MED27: variants seen among roughly 807,000 people sequenced by gnomAD.
MED27 encodes mediator complex subunit 27.
In MED27, 30 loss-of-function variants were observed where a neutral mutation model predicts 38.2. That is an observed-to-expected ratio of 0.79 (90% CI 0.59 to 1.07). The LOEUF (loss-of-function observed/expected upper bound fraction) is 1.07, where lower values mean the gene tolerates loss of function less well. MED27 is among the 50% of genes least tolerant of loss of function. The pLI, the probability that MED27 is intolerant of heterozygous loss-of-function variation, is 0.00. For synonymous variants in MED27, 122 were observed against 153.5 expected (o/e 0.79, Z 1.52); for missense variants, 289 against 397.5 (o/e 0.73, Z 2.32).
Position 131,982,326 on chromosome 9 carries a change from G to A in MED27, c.479+32011C>T, listed in dbSNP as rs2131029499. Among the ~76,000 whole-genome samples, 1 of 152,294 alleles carries A rather than the reference G, an allele frequency of 6.6e-6. No individual in the cohort carries two copies. The highest frequency in any genetic ancestry group is 6.5e-5 in the Admixed American group (1 of 15,304). On this transcript the variant is annotated intron_variant, in intron 3 of 7. Coordinates refer to ENST00000292035, the MANE Select transcript of MED27 (RefSeq NM_004269.4). The surrounding 1 kb of genome is among the most constrained non-coding windows in gnomAD (Gnocchi z 4.3). ...TCACGTGCAGAGGCCACACGGAGAGGGAGGGGCTCTGAGGCTACAGGGAAA... is the reference window on the plus strand; with the variant it reads ...TCACGTGCAGAGGCCACACGGAGAGAGAGGGGCTCTGAGGCTACAGGGAAA...
chr9:131,996,763 T>A (rs1419839812), intron 3 of MED27, among the ~76,000 whole-genome samples: 1 of 152,166 alleles, frequency 6.6e-6, no homozygotes, highest in Non-Finnish European at 1.5e-5. Context: ...AACCTCCTCC[T>A]CCTTACTCTA....
At chr9:131,875,353 G>A (rs747631766) in intron 6 of MED27, among the ~76,000 whole-genome samples, 3 of 152,198 alleles carry the variant, frequency 2.0e-5, no homozygotes, top group Non-Finnish European at 4.4e-5. Context: ...GGAATGGGTA[G>A]GTCTGTCATA....
chr9:131,893,586 GA>G (rs911819082), intron 5 of MED27, among the ~76,000 whole-genome samples: 1 of 151,996 alleles, frequency 6.6e-6, no homozygotes. Flanking sequence ...TTGACTTGGG[GA>G]AAAAAATCCA....
intron 3 of MED27, among the ~76,000 whole-genome samples, chr9:131,986,387 C>T (rs909738563): frequency 6.6e-6 from 1 of 152,102 alleles, no homozygotes; most frequent in African/African-American, 2.4e-5. Context: ...CTTGCTATGT[C>T]GCCCAGGCTG....
chr9:131,944,972 CT>C (rs1774941159), intron 3 of MED27, among the ~76,000 whole-genome samples: 1 of 151,750 alleles, frequency 6.6e-6, no homozygotes, highest in Admixed American at 6.6e-5. Context: ...TTAAGCATCC[CT>C]GCTTTAGCCC....
chr9:132,068,199 C>G lies in MED27; in HGVS notation c.348+9243G>C, dbSNP rs186929555. 6.8e-4 allele frequency among the ~76,000 whole-genome samples: 103 copies of G among 152,230 alleles called. No homozygotes were observed. In the East Asian group the frequency reaches 0.018, roughly 27 times the overall value. ...TGTACAGAGACTCCCCCGGGCCACA[C>G]ACTCGCATGCAGTATTCACATCATC... On this transcript the variant is annotated intron_variant, in intron 2 of 7. Coordinates refer to ENST00000292035, the MANE Select transcript of MED27 (RefSeq NM_004269.4).
In MED27 at chr9:131,925,712, T is replaced by C. The variant is rs1027229029; in HGVS notation, c.573+13669A>G. Among the ~76,000 whole-genome samples, 6 of 152,102 alleles carry C rather than the reference T, an allele frequency of 3.9e-5. 1 individual carries two copies. Among genetic ancestry groups the C allele is most frequent in the Admixed American group, 1.3e-4 (2 of 15,270 alleles). Reference sequence around the variant, plus strand: ...AAATTTAGGAATATGCATATATATATGGTGAAGCATCCCCTCCAAAACAGG... The same window carrying C: ...AAATTTAGGAATATGCATATATATACGGTGAAGCATCCCCTCCAAAACAGG... On this transcript the variant is annotated intron_variant, in intron 4 of 7. Coordinates refer to ENST00000292035, the MANE Select transcript of MED27 (RefSeq NM_004269.4).
At chr9:132,019,892 T>C (rs985590470) in intron 2 of MED27, among the ~76,000 whole-genome samples, 3 of 152,222 alleles carry the variant, frequency 2.0e-5, no homozygotes, top group Non-Finnish European at 2.9e-5. Flanking sequence ...CTGCTTGTCA[T>C]GATAGAACTC....
intron 4 of MED27, among the ~76,000 whole-genome samples, chr9:131,922,630 TTTTTC>T (rs1332327430): frequency 2.3e-5 from 3 of 128,282 alleles, no homozygotes; most frequent in Admixed American, 8.0e-5. Context: ...TATTTTTATT[TTTTTC>T]TTTTCTTTTA....
intron 4 of MED27, among the ~76,000 whole-genome samples, chr9:131,909,700 T>C (rs566718211): frequency 6.6e-6 from 1 of 152,352 alleles, no homozygotes; most frequent in South Asian, 2.1e-4. Context: ...GAAAAATATG[T>C]CCCACAGTTC....
chr9:131,966,713 A>C (rs2131007261), intron 3 of MED27, among the ~76,000 whole-genome samples: 1 of 152,296 alleles, frequency 6.6e-6, no homozygotes, highest in South Asian at 2.1e-4. Context: ...CCGACGCTTC[A>C]GTGCCCAAGT....
chr9:131,971,437 A>G (rs968320669), intron 3 of MED27, among the ~76,000 whole-genome samples: 2 of 152,238 alleles, frequency 1.3e-5, no homozygotes, highest in African/African-American at 4.8e-5. Flanking sequence ...TTTGCAGACC[A>G]GCAATAAGAG....
intron 6 of MED27, 32 bp downstream of exon 6, chr9:131,884,026 C>G: frequency 6.3e-7 from 1 of 1,595,786 alleles, no homozygotes; most frequent in Non-Finnish European, 8.6e-7. Context: ...TTCCTAATGC[C>G]GCTTGAGTAA....
At chr9:131,998,785 A>G (rs752717437) in intron 3 of MED27, among the ~76,000 whole-genome samples, 10 of 152,186 alleles carry the variant, frequency 6.6e-5, no homozygotes, top group Non-Finnish European at 1.3e-4. Flanking sequence ...TACAAGCCAC[A>G]CTTGGGAGGC....
chr9:131,865,621 G>A (rs1351900633), intron 6 of MED27, among the ~76,000 whole-genome samples: 2 of 152,102 alleles, frequency 1.3e-5, no homozygotes, highest in Non-Finnish European at 1.5e-5. Flanking sequence ...TGTTTGCTCC[G>A]GCCCTGCTGT....
At chr9:131,955,475 A>T (rs944885675) in intron 3 of MED27, among the ~76,000 whole-genome samples, 1 of 152,244 alleles carries the variant, frequency 6.6e-6, no homozygotes, top group African/African-American at 2.4e-5. Flanking sequence ...AGAGCAGGTT[A>T]TGGAAATAAA....
At chr9:131,950,499 T>C (rs1487613857) in intron 3 of MED27, among the ~76,000 whole-genome samples, 2 of 152,208 alleles carry the variant, frequency 1.3e-5, no homozygotes, top group African/African-American at 4.8e-5. Context: ...CGCACACGTG[T>C]AGAACCATTA....
At chr9:131,881,396 C>T (rs1412884999) in intron 6 of MED27, among the ~76,000 whole-genome samples, 1 of 152,092 alleles carries the variant, frequency 6.6e-6, no homozygotes, top group African/African-American at 2.4e-5. Flanking sequence ...CTTTATGCTT[C>T]AGACCCAGGG....
At chr9:131,948,507 A>AAAAAAAC (rs1554759308) in intron 3 of MED27, among the ~76,000 whole-genome samples, 1 of 151,988 alleles carries the variant, frequency 6.6e-6, no homozygotes, top group Non-Finnish European at 1.5e-5. Flanking sequence ...AAAAACAAAA[A>AAAAAAAC]AAAAAAACAA....
Sources: allele counts gnomAD v4.1 joint callset (sites outside exome capture counted in the v4.1 genomes callset), GRCh38; gene constraint gnomAD v4.1.1; non-coding constraint Gnocchi (gnomAD v3.1); transcripts MANE v1.5; gene names NCBI Gene and HGNC (gene_info 2026-07-23, HGNC 2026-07-21).